GRIN2A: variants seen among roughly 807,000 people sequenced by gnomAD.
The protein encoded by GRIN2A is glutamate ionotropic receptor NMDA type subunit 2A.
Under a neutral mutation model 113.4 loss-of-function variants are expected in GRIN2A, and 22 were observed. The observed-to-expected ratio is 0.19, with a 90% confidence interval of 0.14 to 0.28. The LOEUF is 0.28. GRIN2A is among the 10% of genes least tolerant of loss of function. GRIN2A has a pLI of 1.00. For synonymous variants in GRIN2A, 827 were observed against 738.4 expected (o/e 1.12, Z -1.94); for missense variants, 1,502 against 1,887.0 (o/e 0.80, Z 3.78).
chr16:10,057,308 T>C (rs535508268), intron 2 of GRIN2A, among the ~76,000 whole-genome samples: 1 of 152,164 alleles, frequency 6.6e-6, no homozygotes, highest in East Asian at 1.9e-4. Context: ...GGGCTTGCTA[T>C]GCAAACTGAA....
chr16:9,862,137 A>T (rs1338010539), intron 4 of GRIN2A, among the ~76,000 whole-genome samples: 1 of 152,242 alleles, frequency 6.6e-6, no homozygotes, highest in Admixed American at 6.5e-5. Flanking sequence ...TATGACTAAC[A>T]TACAGGATTA....
chr16:9,801,293 G>A (rs1903346556), intron 10 of GRIN2A, among the ~76,000 whole-genome samples: 1 of 152,136 alleles, frequency 6.6e-6, no homozygotes, highest in Non-Finnish European at 1.5e-5. Context: ...ATAGAAACTT[G>A]GTTTTATTTA....
chr16:9,888,156 G>C (rs1368815964), intron 4 of GRIN2A, among the ~76,000 whole-genome samples: 1 of 152,120 alleles, frequency 6.6e-6, no homozygotes, highest in African/African-American at 2.4e-5. Context: ...GGTCAGGCTG[G>C]TCTCGAACTC....
chr16:9,897,532 G>A (rs1200208436), intron 3 of GRIN2A, among the ~76,000 whole-genome samples: 1 of 152,158 alleles, frequency 6.6e-6, no homozygotes, highest in Non-Finnish European at 1.5e-5. Flanking sequence ...TGGTTAGTCT[G>A]AATTGAAATG....
intron 10 of GRIN2A, among the ~76,000 whole-genome samples, chr16:9,820,468 C>CA (rs2042261409): frequency 6.6e-6 from 1 of 152,200 alleles, no homozygotes; most frequent in Admixed American, 6.5e-5. Context: ...GAAATGCGCT[C>CA]ACTCATTAAC....
At chr16:10,095,855 T>G (rs2048279972) in intron 2 of GRIN2A, among the ~76,000 whole-genome samples, 1 of 152,096 alleles carries the variant, frequency 6.6e-6, no homozygotes, top group Non-Finnish European at 1.5e-5. Flanking sequence ...CAATATCACT[T>G]CAGTGATATT....
At chr16:10,038,945 C>A (rs1468405616) in intron 2 of GRIN2A, among the ~76,000 whole-genome samples, 1 of 152,068 alleles carries the variant, frequency 6.6e-6, no homozygotes, top group Non-Finnish European at 1.5e-5. Flanking sequence ...ACTAGTCCTT[C>A]AAAAATCAGG....
intron 4 of GRIN2A, among the ~76,000 whole-genome samples, chr16:9,866,649 T>C (rs747743012): frequency 6.6e-6 from 1 of 152,220 alleles, no homozygotes; most frequent in Non-Finnish European, 1.5e-5. Context: ...TAGGACTTAG[T>C]ACTCCTTACA....
intron 2 of GRIN2A, among the ~76,000 whole-genome samples, chr16:10,142,746 C>A (rs796734271): frequency 2.3e-4 from 35 of 152,260 alleles, no homozygotes; most frequent in African/African-American, 7.9e-4. Context: ...CTAACCCTCT[C>A]CCATTTCCAC....
chr16:10,091,340 G>A (rs1167865640), intron 2 of GRIN2A, among the ~76,000 whole-genome samples: 1 of 152,090 alleles, frequency 6.6e-6, no homozygotes, highest in African/African-American at 2.4e-5. Flanking sequence ...TGGGCGCAGT[G>A]GATCACATCT....
chr16:9,940,042 A>AAG (rs565915376), intron 2 of GRIN2A, among the ~76,000 whole-genome samples: 2,516 of 139,614 alleles, frequency 0.018, 34 homozygotes, highest in Non-Finnish European at 0.028. Flanking sequence ...GAGAGAGAGA[A>AAG]AGAGAGAGAG....
chr16:9,953,722 C>T (rs544284040), intron 2 of GRIN2A, among the ~76,000 whole-genome samples: 3 of 152,166 alleles, frequency 2.0e-5, no homozygotes, highest in South Asian at 2.1e-4. Flanking sequence ...TTAGAAGCCA[C>T]GGGAGTAGAG....
At chr16:9,911,424 C>G (rs1188792786) in intron 3 of GRIN2A, among the ~76,000 whole-genome samples, 1 of 152,216 alleles carries the variant, frequency 6.6e-6, no homozygotes, top group African/African-American at 2.4e-5. Flanking sequence ...AATTTATATG[C>G]TAACTCAGCT....
intron 11 of GRIN2A, among the ~76,000 whole-genome samples, chr16:9,788,740 CTT>C (rs748774026): frequency 9.5e-6 from 1 of 104,862 alleles, no homozygotes; most frequent in African/African-American, 4.4e-5. Flanking sequence ...TTTAAGTCTT[CTT>C]TTTTTTTTTT....
intron 10 of GRIN2A, among the ~76,000 whole-genome samples, chr16:9,805,931 G>A (rs1306976387): frequency 6.6e-6 from 1 of 152,184 alleles, no homozygotes; most frequent in Non-Finnish European, 1.5e-5. Context: ...CCTGCCATCA[G>A]CACAGAATGG....
intron 9 of GRIN2A, among the ~76,000 whole-genome samples, chr16:9,825,377 T>C (rs1308461660): frequency 6.6e-6 from 1 of 152,206 alleles, no homozygotes; most frequent in Non-Finnish European, 1.5e-5. Context: ...ATGAAGCCTG[T>C]CTCCTTACAG....
At chr16:10,102,905 G>C (rs9302415) in intron 2 of GRIN2A, among the ~76,000 whole-genome samples, 49,215 of 152,028 alleles carry the variant, frequency 0.32, 8,305 homozygotes, top group East Asian at 0.45. Flanking sequence ...GGGCACTCTT[G>C]CTCTGAGAGA....
intron 3 of GRIN2A, among the ~76,000 whole-genome samples, chr16:9,911,935 C>A (rs188018581): frequency 5.9e-5 from 9 of 152,288 alleles, no homozygotes; most frequent in Admixed American, 5.2e-4. Flanking sequence ...AAGAGCATGA[C>A]TGGGCAAGCT....
intron 3 of GRIN2A, among the ~76,000 whole-genome samples, chr16:9,928,558 C>T (rs74717799): frequency 0.013 from 1,948 of 152,180 alleles, 40 homozygotes; most frequent in African/African-American, 0.043. Context: ...CCTCATCTCT[C>T]CAGACCCCAA....
Sources: gnomAD v4.1 joint callset for allele counts (sites outside exome capture counted in the v4.1 genomes callset) on GRCh38, gnomAD v4.1.1 for gene constraint, MANE v1.5 for transcripts, NCBI Gene and HGNC (gene_info 2026-07-23, HGNC 2026-07-21) for gene names.